Variants in FGF13 observed in about 807,000 individuals in gnomAD.
FGF13 encodes fibroblast growth factor 13, also known as fibroblast growth factor homologous factor 2.
A neutral mutation model predicts 19.5 loss-of-function variants in FGF13; 2 were observed. The observed-to-expected ratio is 0.10, with a 90% CI of 0.04 to 0.32. The LOEUF is 0.32. FGF13 is among the 10% of genes least tolerant of loss of function. The probability of loss-of-function intolerance (pLI) is 1.00; values close to 1 mark genes in which losing one functional copy is unlikely to be tolerated. For synonymous variants in FGF13, 72 were observed against 76.9 expected (o/e 0.94, Z 0.33); for missense variants, 113 against 192.7 (o/e 0.59, Z 2.45).
intron 1 of FGF13, among the ~76,000 whole-genome samples, chrX:138,889,043 C>T (rs752757595): frequency 1.5e-4 from 17 of 111,865 alleles, no homozygotes; most frequent in African/African-American, 4.9e-4. Flanking sequence ...AGACACAGAG[C>T]CCCAGGAATA....
At chrX:138,943,332 AT>A (rs1341239518) in intron 1 of FGF13, among the ~76,000 whole-genome samples, 1 of 112,252 alleles carries the variant, frequency 8.9e-6, no homozygotes, top group African/African-American at 3.2e-5. Context: ...TGCAGAACTC[AT>A]TCTGGTTGAT....
At chrX:138,971,070 CAA>C (rs1050854028) in intron 1 of FGF13, among the ~76,000 whole-genome samples, 1 of 111,485 alleles carries the variant, frequency 9.0e-6, no homozygotes, top group African/African-American at 3.3e-5. Flanking sequence ...AGAATATATG[CAA>C]ATCTGGGGAG....
At chrX:138,954,827 C>CCACTAGCAA (rs2091832938) in intron 1 of FGF13, among the ~76,000 whole-genome samples, 1 of 112,032 alleles carries the variant, frequency 8.9e-6, no homozygotes, top group East Asian at 2.8e-4. Context: ...GGGAAAAATA[C>CCACTAGCAA]CGTCTTTGAG....
At chrX:138,963,797 A>G (rs2091884405) in intron 1 of FGF13, among the ~76,000 whole-genome samples, 1 of 111,642 alleles carries the variant, frequency 9.0e-6, no homozygotes, top group Admixed American at 9.6e-5. Flanking sequence ...ATCCTATTTG[A>G]ATGTTTAAAA....
intron 3 of FGF13, among the ~76,000 whole-genome samples, chrX:138,755,530 G>A: frequency 8.9e-6 from 1 of 112,482 alleles, no homozygotes; most frequent in Admixed American, 9.4e-5. Flanking sequence ...TATGTGGCCT[G>A]CATAAGGCAA....
chrX:139,134,993 A>T (rs2083788773), intron 1 of FGF13, among the ~76,000 whole-genome samples: 1 of 112,017 alleles, frequency 8.9e-6, no homozygotes. Flanking sequence ...AACTGGGCAG[A>T]ACCTTGATTG....
chrX:139,034,305 C>G (rs774379655), intron 1 of FGF13, among the ~76,000 whole-genome samples: 2 of 110,806 alleles, frequency 1.8e-5, no homozygotes, highest in Non-Finnish European at 3.8e-5. Flanking sequence ...TCTGAAAACT[C>G]AAAGAAGCTC....
chrX:139,006,066 A>T (rs1480948354), intron 1 of FGF13, among the ~76,000 whole-genome samples: 1 of 111,519 alleles, frequency 9.0e-6, no homozygotes, highest in Non-Finnish European at 1.9e-5. Context: ...AGATGTCAAT[A>T]TCCAACTACA....
chrX:139,193,115 A>T (rs949734858), intron 1 of FGF13, among the ~76,000 whole-genome samples: 1 of 110,868 alleles, frequency 9.0e-6, no homozygotes, highest in African/African-American at 3.3e-5. Context: ...GCATGTGTGA[A>T]TCTGTAGATT....
At chrX:138,865,267 C>T (rs1044710598) in intron 1 of FGF13, among the ~76,000 whole-genome samples, 1 of 111,604 alleles carries the variant, frequency 9.0e-6, no homozygotes, top group Non-Finnish European at 1.9e-5. Context: ...ACCAAAACAC[C>T]CATGTTGCCA....
intron 3 of FGF13, among the ~76,000 whole-genome samples, chrX:138,843,596 C>T (rs886819346): frequency 9.0e-6 from 1 of 111,283 alleles, no homozygotes; most frequent in Non-Finnish European, 1.9e-5. Context: ...AAAGGGCAGT[C>T]AGCAAAAAGT....
At chrX:139,104,029 A>G (rs2083537743) in intron 1 of FGF13, among the ~76,000 whole-genome samples, 1 of 111,532 alleles carries the variant, frequency 9.0e-6, no homozygotes, top group South Asian at 3.8e-4. Flanking sequence ...TTGAGCCTCA[A>G]GTTTCTCATC....
chrX:139,067,492 G>A (rs1445546820), intron 1 of FGF13, among the ~76,000 whole-genome samples: 3 of 111,357 alleles, frequency 2.7e-5, no homozygotes, highest in Non-Finnish European at 3.8e-5. Flanking sequence ...ACCAATAATA[G>A]ACAAACAGAG....
At chrX:138,759,075 T>C (rs2090449570) in intron 3 of FGF13, among the ~76,000 whole-genome samples, 1 of 112,181 alleles carries the variant, frequency 8.9e-6, no homozygotes, top group African/African-American at 3.2e-5. Context: ...TTACTGCACA[T>C]AGTCCACATT....
chrX:139,080,408 T>A (rs746443990), intron 1 of FGF13, among the ~76,000 whole-genome samples: 107 of 112,167 alleles, frequency 9.5e-4, no homozygotes, highest in Non-Finnish European at 1.7e-3. Flanking sequence ...ATCTGTCATG[T>A]TATAAAATAA....
chrX:138,899,193 GT>G (rs1475295058), intron 1 of FGF13, among the ~76,000 whole-genome samples: 1 of 111,585 alleles, frequency 9.0e-6, no homozygotes, highest in African/African-American at 3.3e-5. Context: ...AAAAGCTTGT[GT>G]TTTTTGGGGG....
intron 3 of FGF13, among the ~76,000 whole-genome samples, chrX:138,636,328 C>G: frequency 8.9e-6 from 1 of 111,783 alleles, no homozygotes; most frequent in Non-Finnish European, 1.9e-5. Flanking sequence ...ATTTTACTAG[C>G]AGACACGATA....
chrX:138,826,979 T>C (rs2091038713), intron 3 of FGF13, among the ~76,000 whole-genome samples: 1 of 112,439 alleles, frequency 8.9e-6, no homozygotes, highest in South Asian at 3.7e-4. Context: ...ACATCAGGAA[T>C]TGTAACATGG....
intron 1 of FGF13, among the ~76,000 whole-genome samples, chrX:138,870,616 G>A (rs2091352686): frequency 8.9e-6 from 1 of 112,765 alleles, no homozygotes; most frequent in Non-Finnish European, 1.9e-5. Context: ...TTTACCCTTA[G>A]ATGGGGGATA....
Sources: allele counts gnomAD v4.1 joint callset (sites outside exome capture counted in the v4.1 genomes callset), GRCh38; gene constraint gnomAD v4.1.1; transcripts MANE v1.5; gene names NCBI Gene and HGNC (gene_info 2026-07-23, HGNC 2026-07-21).